Variants in HLF observed in about 807,000 individuals in gnomAD.
HLF encodes hepatic leukemia factor.
A neutral mutation model predicts 22.6 loss-of-function variants in HLF; 3 were observed. That is an observed-to-expected ratio of 0.13 (90% CI 0.06 to 0.34). The LOEUF (loss-of-function observed/expected upper bound fraction) is 0.34. HLF is among the 10% of genes least tolerant of loss of function. HLF has a pLI of 1.00. For synonymous variants in HLF, 151 were observed against 151.8 expected (o/e 0.99, Z 0.04); for missense variants, 299 against 389.2 (o/e 0.77, Z 1.95).
chr17:55,267,693 C>A, intron 1 of HLF, 58 bp from the exon 2 acceptor site: 1 of 1,182,068 alleles, frequency 8.5e-7, no homozygotes, highest in Non-Finnish European at 1.2e-6. Context: ...GATAAAAGAG[C>A]GGTATTGTTT....
intron 3 of HLF, among the ~76,000 whole-genome samples, chr17:55,318,458 A>G (rs1164380666): frequency 6.6e-6 from 1 of 152,144 alleles, no homozygotes; most frequent in Non-Finnish European, 1.5e-5. Context: ...AAGAGCTCTA[A>G]TAAGTTAGAG....
At chr17:55,319,989 A>T (rs926421826) in intron 3 of HLF, among the ~76,000 whole-genome samples, 30 of 152,352 alleles carry the variant, frequency 2.0e-4, no homozygotes, top group African/African-American at 7.2e-4. Context: ...TATCATATGA[A>T]CATCTTTCTG....
At chr17:55,299,263 A>G (rs1318685900) in intron 2 of HLF, among the ~76,000 whole-genome samples, 2 of 152,210 alleles carry the variant, frequency 1.3e-5, no homozygotes, top group African/African-American at 4.8e-5. Flanking sequence ...CTTCCAGGCA[A>G]CACTTATTGC....
chr17:55,307,158 T>C (rs990140606), intron 2 of HLF, among the ~76,000 whole-genome samples: 5 of 138,662 alleles, frequency 3.6e-5, no homozygotes, highest in Non-Finnish European at 7.8e-5. Context: ...TTTTTTTTTT[T>C]TTTTTTTTTT....
chr17:55,284,811 A>G (rs527513279), intron 2 of HLF, among the ~76,000 whole-genome samples: 1 of 152,292 alleles, frequency 6.6e-6, no homozygotes, highest in South Asian at 2.1e-4. Context: ...GAACAAGTTG[A>G]CCACAGGGCA....
At chr17:55,312,119 G>A (rs559710621) in intron 2 of HLF, among the ~76,000 whole-genome samples, 3 of 152,322 alleles carry the variant, frequency 2.0e-5, no homozygotes, top group East Asian at 1.9e-4. Flanking sequence ...ATAGCGCTGC[G>A]ATGAACATGC....
intron 2 of HLF, among the ~76,000 whole-genome samples, chr17:55,290,049 C>G (rs1429475000): frequency 6.6e-6 from 1 of 151,836 alleles, no homozygotes; most frequent in Non-Finnish European, 1.5e-5. Flanking sequence ...CTTGACAACC[C>G]AAGGAGAACC....
intron 2 of HLF, among the ~76,000 whole-genome samples, chr17:55,280,503 T>A (rs1376810804): frequency 1.3e-5 from 2 of 152,232 alleles, no homozygotes; most frequent in African/African-American, 4.8e-5. Flanking sequence ...GCCTGGAAGA[T>A]CTTGAGTGGG....
intron 2 of HLF, among the ~76,000 whole-genome samples, chr17:55,313,105 G>A (rs1484984762): frequency 2.0e-5 from 3 of 152,148 alleles, no homozygotes; most frequent in Non-Finnish European, 4.4e-5. Context: ...CTGCAGGTAG[G>A]GCTGACCTAC....
At chr17:55,315,985 C>T (rs1014428761) in intron 3 of HLF, among the ~76,000 whole-genome samples, 16 of 152,318 alleles carry the variant, frequency 1.1e-4, no homozygotes, top group African/African-American at 3.6e-4. Context: ...AGTTCCCTGA[C>T]ACCATTTATA....
chr17:55,265,748 C>A, intron 1 of HLF, 149 bp downstream of exon 1: 1 of 1,164,300 alleles, frequency 8.6e-7, no homozygotes, highest in Non-Finnish European at 1.1e-6. Flanking sequence ...TTGAGGAGCT[C>A]ACCCAGCACC....
chr17:55,277,799 A>G (rs891177603), intron 2 of HLF, among the ~76,000 whole-genome samples: 3 of 152,352 alleles, frequency 2.0e-5, no homozygotes, highest in Admixed American at 2.0e-4. Context: ...ACCTCCAGCT[A>G]CATAGAGTAG....
intron 1 of HLF, 124 bp downstream of exon 1, chr17:55,265,723 C>T (rs1290412262): frequency 6.3e-6 from 7 of 1,114,568 alleles, no homozygotes; most frequent in Non-Finnish European, 8.4e-6. Flanking sequence ...GCGCCCCGGC[C>T]CCGCGCTGAT....
In HLF at chr17:55,321,029, G is replaced by A. The variant is rs1356204415; in HGVS notation, c.*150G>A. The A allele has an allele frequency of 6.2e-6, 4 of 642,026 alleles. No homozygotes were observed. The highest frequency in any genetic ancestry group is 1.1e-5 in the Non-Finnish European group (4 of 359,518). 39.8% of individuals were successfully genotyped at this position (642,026 alleles called of 1,614,324 possible). A position where few individuals can be genotyped will look rare whatever the true frequency, so the allele number is the denominator to read the frequency against. ...CATTTTGGTGTGCATCTGTGTGTGTGTGCGTGTATATGTGCTTGTGCTCAT... is the reference window on the plus strand; with the variant it reads ...CATTTTGGTGTGCATCTGTGTGTGTATGCGTGTATATGTGCTTGTGCTCAT... On this transcript the variant is annotated 3_prime_UTR_variant, in exon 4 of 4. Transcript: ENST00000226067.
chr17:55,282,889 G>A (rs887272061), intron 2 of HLF, among the ~76,000 whole-genome samples: 4 of 152,018 alleles, frequency 2.6e-5, no homozygotes, highest in South Asian at 2.1e-4. Flanking sequence ...AAAAACTAAC[G>A]CTGAAAAGCA....
intron 2 of HLF, chr17:55,288,855 C>G (rs1396342704): frequency 1.1e-6 from 1 of 906,186 alleles, no homozygotes; most frequent in African/African-American, 1.8e-5. Flanking sequence ...ATATTGACCC[C>G]CCAATTTTCC....
In HLF at chr17:55,267,738, C is replaced by T. The variant is rs1462997945; in HGVS notation, c.116-13C>T. The T allele has an allele frequency of 1.3e-6, 2 of 1,519,108 alleles. No individual in the cohort carries two copies. The highest frequency in any genetic ancestry group is 2.3e-5 in the East Asian group (1 of 43,154). 94.1% of individuals were successfully genotyped at this position (1,519,108 alleles called of 1,614,324 possible). A position where few individuals can be genotyped will look rare whatever the true frequency, so the allele number is the denominator to read the frequency against. On this transcript the variant is annotated splice_polypyrimidine_tract_variant and intron_variant, in intron 1 of 3. Transcript: ENST00000226067. ...TTCTTTTTTTTTAAGTCCAGCTTTC[C>T]CTTCTTCTGCAGCATTTAGTAAAGA...
At chr17:55,289,718 T>G (rs933694937) in intron 2 of HLF, among the ~76,000 whole-genome samples, 1 of 152,214 alleles carries the variant, frequency 6.6e-6, no homozygotes. Flanking sequence ...TATATAAATT[T>G]ACCTATATAT....
chr17:55,308,474 C>T lies in HLF; in HGVS notation c.452-6753C>T, dbSNP rs141221369. On this transcript the variant is annotated intron_variant, in intron 2 of 3. Transcript: ENST00000226067. ...TTTTACACATAAGGGAATTGAAACT[C>T]AGGTAGGTTAAGAAAAGAAGGGGGA... Among the ~76,000 whole-genome samples the T allele has an allele frequency of 5.9e-5, 9 of 152,194 alleles. No individual in the cohort carries two copies. In the East Asian group the frequency reaches 1.7e-3, roughly 29 times the overall value.
Sources: allele counts gnomAD v4.1 joint callset (sites outside exome capture counted in the v4.1 genomes callset), GRCh38; gene constraint gnomAD v4.1.1; transcripts MANE v1.5; gene names NCBI Gene and HGNC (gene_info 2026-07-23, HGNC 2026-07-21).